The following MYO18B variants were observed in gnomAD, a reference collection of about 807,000 sequenced individuals.
MYO18B encodes unconventional myosin-XVIIIb.
In MYO18B, 204 loss-of-function variants were observed where a neutral mutation model predicts 273.0. The observed-to-expected ratio is 0.75, with a 90% CI of 0.67 to 0.84. The LOEUF (loss-of-function observed/expected upper bound fraction) is 0.84, where lower values mean the gene tolerates loss of function less well. Ranked by LOEUF, MYO18B falls within the 40% of genes least tolerant of loss-of-function variation. The pLI is 0.00. For synonymous variants in MYO18B, 1,330 were observed against 1,305.7 expected, an observed-to-expected ratio of 1.02 and a Z score of -0.40; for missense variants, 3,212 against 3,287.6, an observed-to-expected ratio of 0.98 and a Z score of 0.56.
chr22:25,992,124 T>G lies in MYO18B; in HGVS notation c.6157-239T>G, dbSNP rs146197045. ...TTGGGAGCAGCACCCCCTGCACAGGTGAGCAAGCTCTGTGTGCCATGCCCT... is the reference window on the plus strand; with the variant it reads ...TTGGGAGCAGCACCCCCTGCACAGGGGAGCAAGCTCTGTGTGCCATGCCCT... On this transcript the variant is annotated intron_variant, in intron 39 of 43. Transcript: ENST00000335473. Among the ~76,000 whole-genome samples, 53 of 152,316 alleles carry G rather than the reference T, an allele frequency of 3.5e-4. 1 individual carries two copies. The East Asian group carries it at 9.8e-3, about 28-fold the overall frequency.
chr22:25,752,953 G>T (rs1484819175), intron 1 of MYO18B, among the ~76,000 whole-genome samples: 2 of 152,226 alleles, frequency 1.3e-5, no homozygotes, highest in Non-Finnish European at 2.9e-5. Context: ...CAGGCCAGCA[G>T]CTGCGGAGGG....
intron 27 of MYO18B, among the ~76,000 whole-genome samples, chr22:25,892,863 A>AATAT (rs1479277585): frequency 6.6e-6 from 1 of 152,154 alleles, no homozygotes; most frequent in East Asian, 1.9e-4. Context: ...TAATTTCTAT[A>AATAT]AAATCCCCAG....
rs1216122752 is a variant in MYO18B, at chr22:25,847,571, C to T, written c.3694C>T (p.Pro1232Ser). Residue 1232 changes from proline (P) to serine (S), a missense_variant, in exon 20 of 44, where the codon CCT becomes TCT. By Grantham distance (74) the Pro-to-Ser change is moderately conservative. Coordinates refer to ENST00000335473, the MANE Select transcript of MYO18B (RefSeq NM_032608.7). Reference protein sequence around the residue: ...PGRDKPGAGGPLALDIPALRV... With the variant: ...PGRDKPGAGGSLALDIPALRV... The stretch of plus-strand genomic sequence containing the variant: ...TAGAGACAAGCCTGGGGCAGGTGGA[C>T]CTCTGGCCCTGGATATCCCAGCACT... The T allele has an allele frequency of 6.4e-7, 1 of 1,567,690 alleles. No homozygotes were observed. The highest frequency in any genetic ancestry group is 2.4e-5 in the East Asian group (1 of 42,074).
the MYO18B span, among the ~76,000 whole-genome samples, chr22:26,037,140 C>G: frequency 6.6e-6 from 1 of 152,138 alleles, no homozygotes; most frequent in Non-Finnish European, 1.5e-5. Context: ...CTAAACAAAC[C>G]TGGGCCTGCC....
chr22:25,774,961 A>T lies in MYO18B; in HGVS notation c.1869+2451A>T, dbSNP rs79899935. 7.8e-3 allele frequency among the ~76,000 whole-genome samples: 1,181 copies of T among 152,356 alleles called. 15 individuals are homozygous for T. Among genetic ancestry groups the T allele is most frequent in the African/African-American group, 0.026 (1,085 of 41,586 alleles). ...TGTGCCTACAAGCACACTTCTGTGC[A>T]TGCGTGCAAGGGCACATGTACACAG... On this transcript the variant is annotated intron_variant, in intron 7 of 43. Coordinates refer to ENST00000335473, the MANE Select transcript of MYO18B (RefSeq NM_032608.7).
intron 33 of MYO18B, among the ~76,000 whole-genome samples, chr22:25,914,142 G>T (rs1209228398): frequency 1.3e-5 from 2 of 150,966 alleles, no homozygotes; most frequent in South Asian, 2.1e-4. Context: ...GGCTCATTGG[G>T]TTTTTTTTTG....
chr22:25,900,348 T>C (rs574852074), intron 29 of MYO18B: 1 of 152,344 alleles, frequency 6.6e-6, no homozygotes, highest in African/African-American at 2.4e-5. Context: ...AAGGGAAAAT[T>C]TAGAAGTCAG....
chr22:25,939,549 C>T (rs1432894508), intron 34 of MYO18B, among the ~76,000 whole-genome samples: 1 of 152,220 alleles, frequency 6.6e-6, no homozygotes, highest in East Asian at 1.9e-4. Context: ...CTGTGGCCAA[C>T]AGGAGGCGAT....
chr22:25,767,299 T>C (rs986119642), intron 3 of MYO18B, among the ~76,000 whole-genome samples: 6 of 152,274 alleles, frequency 3.9e-5, no homozygotes, highest in African/African-American at 1.4e-4. Context: ...CCTTGGGTGT[T>C]ATGCAGTCAC....
intron 19 of MYO18B, 74 bp downstream of exon 19, chr22:25,846,357 G>A: frequency 6.6e-7 from 1 of 1,526,384 alleles, no homozygotes. Flanking sequence ...GCTGAGTCAT[G>A]TGCCTACATC....
In MYO18B at chr22:25,955,345, G is replaced by T. The variant is rs1206256671; in HGVS notation, c.6137G>T (p.Ser2046Ile). Reference protein sequence around the residue: ...EELVQREAEASRRCMELEKYV... With the variant: ...EELVQREAEAIRRCMELEKYV... Reference sequence around the variant, plus strand: ...CTGGTGCAGCGGGAGGCAGAGGCCAGCCGGCGGTGCATGGAGCTGGTGAGT... The same window carrying T: ...CTGGTGCAGCGGGAGGCAGAGGCCATCCGGCGGTGCATGGAGCTGGTGAGT... Residue 2046 changes from serine to isoleucine, a missense_variant, in exon 39 of 44, where the codon AGC becomes ATC. Physicochemically the swap from Ser to Ile is moderately radical, Grantham distance 142. Transcript: ENST00000335473. 2 of 1,613,338 alleles carry T rather than the reference G, an allele frequency of 1.2e-6. No individual in the cohort carries two copies. The highest frequency in any genetic ancestry group is 8.5e-7 in the Non-Finnish European group (1 of 1,179,674).
At chr22:26,014,292 T>A (rs531596014) in intron 42 of MYO18B, among the ~76,000 whole-genome samples, 1 of 152,208 alleles carries the variant, frequency 6.6e-6, no homozygotes, top group Non-Finnish European at 1.5e-5. Flanking sequence ...TACACAACAG[T>A]ATAAATTTGT....
intron 17 of MYO18B, among the ~76,000 whole-genome samples, chr22:25,838,932 T>C (rs895110196): frequency 1.3e-5 from 2 of 151,966 alleles, no homozygotes; most frequent in African/African-American, 4.8e-5. Flanking sequence ...TGTGCCTGTG[T>C]GTGTGCATGT....
At chr22:26,045,777 C>T in the MYO18B span, among the ~76,000 whole-genome samples, 2 of 152,274 alleles carry the variant, frequency 1.3e-5, no homozygotes, top group South Asian at 4.1e-4. Context: ...GACTGCCACC[C>T]GCAAATAGGT....
intron 42 of MYO18B, among the ~76,000 whole-genome samples, chr22:26,007,178 T>C (rs1934500199): frequency 6.6e-6 from 1 of 152,208 alleles, no homozygotes; most frequent in Non-Finnish European, 1.5e-5. Context: ...GGATTTCTTG[T>C]CTGTCTTCCT....
At chr22:25,880,473 A>G (rs2091306053) in intron 25 of MYO18B, among the ~76,000 whole-genome samples, 1 of 151,704 alleles carries the variant, frequency 6.6e-6, no homozygotes, top group Non-Finnish European at 1.5e-5. Flanking sequence ...TTTTTTTGAC[A>G]CCTCCTTACA....
Position 25,873,103 on chromosome 22 carries a change from A to G in MYO18B, c.3952-1183A>G, listed in dbSNP as rs946148157. On this transcript the variant is annotated intron_variant, in intron 22 of 43. Coordinates refer to ENST00000335473, the MANE Select transcript of MYO18B (RefSeq NM_032608.7). ...TGGCCCAGAAGCTTCAGGTTCTCGC[A>G]GAAAAGCATTTAACTCAAACCTCCA... Among the ~76,000 whole-genome samples the G allele has an allele frequency of 1.1e-4, 17 of 152,180 alleles. 1 individual carries two copies. Among genetic ancestry groups the G allele is most frequent in the Non-Finnish European group, 5.9e-5 (4 of 68,036 alleles).
chr22:26,013,715 G>A (rs555100674), intron 42 of MYO18B, among the ~76,000 whole-genome samples: 73 of 152,246 alleles, frequency 4.8e-4, no homozygotes, highest in African/African-American at 1.6e-3. Flanking sequence ...ATTCTAATAG[G>A]TGTTAGTAGT....
In MYO18B at chr22:25,946,140, G is replaced by C; in HGVS notation, c.5521G>C (p.Glu1841Gln). 1 of 1,540,892 alleles carries C rather than the reference G, an allele frequency of 6.5e-7. No individual in the cohort carries two copies. The highest frequency in any genetic ancestry group is 1.2e-5 in the South Asian group (1 of 82,730). ...CTCCACCTCTTGCCTGGTCCAGCTG[G>C]AGCAGAGTGAAGCCAAGTGTGAGGA... ...EELEKVHSQL[E>Q]QSEAKCEEAL... is the part of the protein sequence containing the mutation. The change falls in exon 35 of 44, where the codon GAG becomes CAG. Residue 1841 changes from glutamate (E) to glutamine (Q), a missense_variant. By Grantham distance (29) the Glu-to-Gln change is conservative. Coordinates refer to ENST00000335473, the MANE Select transcript of MYO18B (RefSeq NM_032608.7).
Sources: gnomAD v4.1 joint callset for allele counts (sites outside exome capture counted in the v4.1 genomes callset) on GRCh38, gnomAD v4.1.1 for gene constraint, MANE v1.5 for transcripts, NCBI Gene and HGNC (gene_info 2026-07-23, HGNC 2026-07-21) for gene names.